Variants in GLYATL3 observed in about 807,000 individuals in gnomAD.
GLYATL3 encodes glycine-N-acyltransferase like 3, also known as glycine N-acyltransferase-like protein 3.
A neutral mutation model predicts 28.5 loss-of-function variants in GLYATL3; 31 were observed. That is an observed-to-expected ratio of 1.09 (90% CI 0.82 to 1.47). The LOEUF (loss-of-function observed/expected upper bound fraction) is 1.47. Among genes scored for constraint, GLYATL3 ranks in the 40% most tolerant of loss-of-function variants. The probability of loss-of-function intolerance (pLI) is 0.00; values close to 1 mark genes in which losing one functional copy is unlikely to be tolerated. For synonymous variants in GLYATL3, 141 were observed against 140.2 expected, an observed-to-expected ratio of 1.01 and a Z score of -0.04; for missense variants, 369 against 351.5, an observed-to-expected ratio of 1.05 and a Z score of -0.40.
At chr6:49,509,304 G>T (rs193156518) in intron 1 of GLYATL3, among the ~76,000 whole-genome samples, 1 of 152,236 alleles carries the variant, frequency 6.6e-6, no homozygotes, top group African/African-American at 2.4e-5. Context: ...CTCTGGTTAT[G>T]GTATTTTCAT....
chr6:49,515,273 A>G (rs1054422449), intron 2 of GLYATL3, among the ~76,000 whole-genome samples: 4 of 152,300 alleles, frequency 2.6e-5, no homozygotes, highest in Non-Finnish European at 5.9e-5. Context: ...TTATTTGCAG[A>G]AATTTTTAAA....
At chr6:49,520,410 C>T (rs1410252031) in intron 4 of GLYATL3, among the ~76,000 whole-genome samples, 2 of 152,152 alleles carry the variant, frequency 1.3e-5, no homozygotes, top group African/African-American at 4.8e-5. Flanking sequence ...CTAGCCACAG[C>T]ATCTGTAATT....
intron 1 of GLYATL3, among the ~76,000 whole-genome samples, chr6:49,505,560 A>G (rs1239838968): frequency 1.3e-5 from 2 of 152,246 alleles, no homozygotes; most frequent in East Asian, 1.9e-4. Flanking sequence ...GAATCCAGGA[A>G]GTATTTCCTA....
chr6:49,515,809 A>G, intron 3 of GLYATL3, 49 bp downstream of exon 3: 1 of 1,036,758 alleles, frequency 9.6e-7, no homozygotes. Context: ...AATTGGAAAG[A>G]AAAAGTAGGT....
intron 4 of GLYATL3, among the ~76,000 whole-genome samples, chr6:49,520,190 A>G (rs1199491592): frequency 6.6e-6 from 1 of 151,994 alleles, no homozygotes; most frequent in Non-Finnish European, 1.5e-5. Flanking sequence ...AAAACTGCAC[A>G]GCAAACACCT....
At chr6:49,520,247 G>A (rs1340287359) in intron 4 of GLYATL3, among the ~76,000 whole-genome samples, 1 of 151,908 alleles carries the variant, frequency 6.6e-6, no homozygotes, top group African/African-American at 2.4e-5. Flanking sequence ...GTGGGGGTAG[G>A]GATTGAAGGA....
At chr6:49,515,876 A>G in intron 3 of GLYATL3, 116 bp downstream of exon 3, 1 of 625,834 alleles carries the variant, frequency 1.6e-6, no homozygotes, top group Non-Finnish European at 2.9e-6. Flanking sequence ...CTGTTTCACC[A>G]TTCATTTCTT....
intron 1 of GLYATL3, among the ~76,000 whole-genome samples, chr6:49,511,206 A>G (rs1415134138): frequency 6.6e-6 from 1 of 152,174 alleles, no homozygotes; most frequent in Non-Finnish European, 1.5e-5. Flanking sequence ...AATGCCAGAA[A>G]AAGTTTTCTT....
intron 1 of GLYATL3, among the ~76,000 whole-genome samples, chr6:49,505,581 G>T (rs1452284339): frequency 1.3e-5 from 2 of 152,178 alleles, no homozygotes; most frequent in South Asian, 2.1e-4. Flanking sequence ...GAAATTGAAA[G>T]AATTTTGACT....
rs191445514 is a variant in GLYATL3, at chr6:49,514,730, G to T, written c.79-923G>T. Among the ~76,000 whole-genome samples the T allele has an allele frequency of 1.1e-3, 162 of 152,192 alleles. 2 individuals carry two copies. Among genetic ancestry groups the T allele is most frequent in the African/African-American group, 3.9e-3 (160 of 41,518 alleles). On this transcript the variant is annotated intron_variant, in intron 2 of 5. Transcript: ENST00000371197. The stretch of plus-strand genomic sequence containing the variant: ...TTGCCTTAGTTCCAGCTACTCAGGA[G>T]GCTGGGGTGGGAGAATTGTTTGAAC...
In GLYATL3 at chr6:49,510,145, C is replaced by T. The variant is rs540819775; in HGVS notation, c.-28-1818C>T. On this transcript the variant is annotated intron_variant, in intron 1 of 5. Coordinates refer to ENST00000371197, the MANE Select transcript of GLYATL3 (RefSeq NM_001010904.2). ...GCAACCTCCGCCTCCCAGGTTCAAGCGATTCTCCTACCTCAGCCTCCCTAG... is the reference window on the plus strand; with the variant it reads ...GCAACCTCCGCCTCCCAGGTTCAAGTGATTCTCCTACCTCAGCCTCCCTAG... Among the ~76,000 whole-genome samples, 12 of 151,970 alleles carry T rather than the reference C, an allele frequency of 7.9e-5. No individual in the cohort carries two copies. In the South Asian group the frequency reaches 1.9e-3, roughly 24 times the overall value.
chr6:49,504,051 AG>A (rs1161441250), intron 1 of GLYATL3, among the ~76,000 whole-genome samples: 2 of 152,086 alleles, frequency 1.3e-5, no homozygotes, highest in African/African-American at 2.4e-5. Flanking sequence ...AAAGGAATAT[AG>A]GCCCAATATT....
intron 1 of GLYATL3, 136 bp downstream of exon 1, chr6:49,500,178 T>C (rs1197033439): frequency 6.6e-6 from 1 of 152,162 alleles, no homozygotes; most frequent in Non-Finnish European, 1.5e-5. Context: ...CAAGGAAAGA[T>C]ATATTTTGTT....
At chr6:49,525,252 CT>C (rs1018434204) in intron 5 of GLYATL3, among the ~76,000 whole-genome samples, 12 of 151,670 alleles carry the variant, frequency 7.9e-5, no homozygotes, top group Non-Finnish European at 1.8e-4. Flanking sequence ...AAAAGAAAAA[CT>C]TTAGACAGAT....
intron 1 of GLYATL3, among the ~76,000 whole-genome samples, chr6:49,501,390 C>T (rs1344852314): frequency 2.0e-5 from 3 of 152,254 alleles, no homozygotes; most frequent in South Asian, 2.1e-4. Flanking sequence ...AAGCAGGTCC[C>T]GCGGTGCCGC....
intron 3 of GLYATL3, among the ~76,000 whole-genome samples, chr6:49,516,829 A>T (rs1431187781): frequency 6.6e-6 from 1 of 151,932 alleles, no homozygotes; most frequent in Non-Finnish European, 1.5e-5. Flanking sequence ...ATTTTTAAAC[A>T]AAACAAAACC....
At chr6:49,520,826 G>A (rs1769299916) in intron 4 of GLYATL3, among the ~76,000 whole-genome samples, 1 of 152,094 alleles carries the variant, frequency 6.6e-6, no homozygotes, top group Non-Finnish European at 1.5e-5. Context: ...GACCAACCTG[G>A]ACTTATAGGG....
At chr6:49,523,328 G>A (rs539266069) in intron 5 of GLYATL3, among the ~76,000 whole-genome samples, 94 of 152,250 alleles carry the variant, frequency 6.2e-4, no homozygotes, top group Admixed American at 3.7e-3. Context: ...CAAATGATGG[G>A]ATTACAGGCA....
rs111858150 is a variant in GLYATL3, at chr6:49,504,064, G to A, written c.-29+4022G>A. Among the ~76,000 whole-genome samples the A allele has an allele frequency of 5.7e-3, 874 of 152,196 alleles. 6 individuals are homozygous for A. Among genetic ancestry groups the A allele is most frequent in the African/African-American group, 0.019 (772 of 41,532 alleles). On this transcript the variant is annotated intron_variant, in intron 1 of 5. Transcript: ENST00000371197. ...GAAAAGGAATATAGGCCCAATATTCGTAGTTTTTAACAGTCTGTGGGGTGA... is the reference window on the plus strand; with the variant it reads ...GAAAAGGAATATAGGCCCAATATTCATAGTTTTTAACAGTCTGTGGGGTGA...
Sources: gnomAD v4.1 joint callset for allele counts (sites outside exome capture counted in the v4.1 genomes callset) on GRCh38, gnomAD v4.1.1 for gene constraint, MANE v1.5 for transcripts, NCBI Gene and HGNC (gene_info 2026-07-23, HGNC 2026-07-21) for gene names.